The following NLGN1 variants were observed in gnomAD, a reference collection of about 807,000 sequenced individuals.
The protein encoded by NLGN1 is neuroligin 1, also known as neuroligin-1.
Under a neutral mutation model 65.5 loss-of-function variants are expected in NLGN1, and 12 were observed. The observed-to-expected ratio is 0.18, with a 90% CI of 0.12 to 0.30. The LOEUF (loss-of-function observed/expected upper bound fraction) is 0.30. Among genes scored for constraint, NLGN1 ranks in the 10% least tolerant of loss-of-function variants. NLGN1 has a pLI of 1.00. For missense variants in NLGN1, 750 were observed against 1,007.1 expected, an observed-to-expected ratio of 0.74 and a Z score of 3.46; for synonymous variants, 350 against 359.5, an observed-to-expected ratio of 0.97 and a Z score of 0.30.
chr3:173,832,914 T>C (rs34618365), intron 4 of NLGN1, among the ~76,000 whole-genome samples: 23,759 of 152,048 alleles, frequency 0.16, 2,149 homozygotes, highest in African/African-American at 0.25. Context: ...TCGGTAAAGG[T>C]ATATTGGCAA....
chr3:173,456,824 CG>C (rs1156931533), intron 2 of NLGN1, among the ~76,000 whole-genome samples: 1 of 151,976 alleles, frequency 6.6e-6, no homozygotes, highest in Non-Finnish European at 1.5e-5. Context: ...CTTTGGAGCT[CG>C]GCATATGATC....
chr3:174,208,304 C>T (rs1245518790), intron 4 of NLGN1, among the ~76,000 whole-genome samples: 1 of 152,170 alleles, frequency 6.6e-6, no homozygotes, highest in African/African-American at 2.4e-5. Flanking sequence ...TGTACCAAAT[C>T]TGCAAAGCAA....
chr3:173,554,402 A>G (rs1444778502), intron 2 of NLGN1, among the ~76,000 whole-genome samples: 2 of 152,194 alleles, frequency 1.3e-5, no homozygotes, highest in Non-Finnish European at 2.9e-5. Flanking sequence ...TACCCACTGT[A>G]GAGTATTTCC....
At chr3:173,573,129 C>G (rs1320424400) in intron 2 of NLGN1, among the ~76,000 whole-genome samples, 3 of 148,458 alleles carry the variant, frequency 2.0e-5, no homozygotes, top group Non-Finnish European at 4.6e-5. Flanking sequence ...AGTTACCACC[C>G]TTCACAATGA....
chr3:173,613,605 A>G (rs890312899), intron 3 of NLGN1, among the ~76,000 whole-genome samples: 3 of 152,110 alleles, frequency 2.0e-5, no homozygotes, highest in African/African-American at 7.2e-5. Context: ...AGATCCTACC[A>G]ATTTAAAACT....
intron 4 of NLGN1, among the ~76,000 whole-genome samples, chr3:173,926,074 A>T (rs986269884): frequency 6.6e-6 from 1 of 152,020 alleles, no homozygotes; most frequent in Non-Finnish European, 1.5e-5. Context: ...TTTTAAAAAA[A>T]TTCAGTGACT....
chr3:174,149,418 T>C (rs556346090), intron 4 of NLGN1, among the ~76,000 whole-genome samples: 24 of 152,258 alleles, frequency 1.6e-4, no homozygotes, highest in African/African-American at 5.8e-4. Flanking sequence ...AGCAGCCCAC[T>C]TTTTCCCAAA....
Position 174,279,356 on chromosome 3 carries a change from G to A in NLGN1, c.1355G>A (p.Arg452Lys). 1 of 1,613,442 alleles carries A rather than the reference G, an allele frequency of 6.2e-7. No homozygotes were observed. The highest frequency in any genetic ancestry group is 8.5e-7 in the Non-Finnish European group (1 of 1,179,594). Residue 452 changes from arginine (R) to lysine (K), a missense_variant, in exon 6 of 7, where the codon AGA (arginine) becomes AAA (lysine). Transcript: ENST00000457714. This position sits in a 1 kb window ranked among gnomAD's most constrained non-coding sequence, Gnocchi z 4.7. The stretch of plus-strand genomic sequence containing the variant: ...GCTGACCGTCATAACCCTGAAACCA[G>A]AAGAAAGACATTACTGGCTTTGTTT...
At chr3:173,857,885 T>C (rs1268662532) in intron 4 of NLGN1, among the ~76,000 whole-genome samples, 4 of 146,170 alleles carry the variant, frequency 2.7e-5, no homozygotes, top group African/African-American at 1.0e-4. Flanking sequence ...GGAAGAGAAC[T>C]ATTTCATTGG....
chr3:173,710,574 C>T (rs1768791244), intron 3 of NLGN1, among the ~76,000 whole-genome samples: 1 of 152,116 alleles, frequency 6.6e-6, no homozygotes, highest in Admixed American at 6.5e-5. Context: ...TAAGTCTATG[C>T]CTGCAACAAC....
At chr3:173,415,943 A>AGCGCGC (rs1553844364) in intron 1 of NLGN1, among the ~76,000 whole-genome samples, 10,884 of 141,208 alleles carry the variant, frequency 0.077, 526 homozygotes, top group South Asian at 0.099. Context: ...AGAGAGAGAG[A>AGCGCGC]GCTTGGTATA....
chr3:174,012,485 A>T (rs1451644662), intron 4 of NLGN1, among the ~76,000 whole-genome samples: 2 of 152,176 alleles, frequency 1.3e-5, no homozygotes, highest in Non-Finnish European at 2.9e-5. Flanking sequence ...AGTAGAATAT[A>T]ATAAAGCATC....
At chr3:173,973,003 A>T (rs1189627996) in intron 4 of NLGN1, among the ~76,000 whole-genome samples, 1 of 152,090 alleles carries the variant, frequency 6.6e-6, no homozygotes, top group Non-Finnish European at 1.5e-5. Context: ...CTGTGTTTAA[A>T]TCACAGCACT....
At chr3:173,398,191 C>G (rs1457269211), upstream of NLGN1, 1 of 152,212 alleles carries the variant, frequency 6.6e-6, no homozygotes, top group Non-Finnish European at 1.5e-5. Flanking sequence ...CTCGGCGGAG[C>G]GCAGAGGAGC....
chr3:173,939,594 A>G (rs1745648969), intron 4 of NLGN1, among the ~76,000 whole-genome samples: 1 of 152,232 alleles, frequency 6.6e-6, no homozygotes, highest in African/African-American at 2.4e-5. Flanking sequence ...TTGTCAAAAC[A>G]GACATAAGGG....
chr3:174,120,656 A>C (rs1717578810), intron 4 of NLGN1, among the ~76,000 whole-genome samples: 1 of 152,208 alleles, frequency 6.6e-6, no homozygotes, highest in African/African-American at 2.4e-5. Context: ...TATGGCATTA[A>C]GAAACAACTG....
At chr3:173,931,972 T>A (rs188008413) in intron 4 of NLGN1, among the ~76,000 whole-genome samples, 1 of 152,284 alleles carries the variant, frequency 6.6e-6, no homozygotes, top group Admixed American at 6.6e-5. Flanking sequence ...AGAATTAAGA[T>A]GACTTTAAGG....
At chr3:173,984,664 T>C (rs2152399530) in intron 4 of NLGN1, among the ~76,000 whole-genome samples, 1 of 152,298 alleles carries the variant, frequency 6.6e-6, no homozygotes, top group Non-Finnish European at 1.5e-5. Context: ...CTGTACAAAC[T>C]ATGAAGTAGT....
At chr3:173,755,588 GA>G (rs879873955) in intron 3 of NLGN1, among the ~76,000 whole-genome samples, 1 of 152,102 alleles carries the variant, frequency 6.6e-6, no homozygotes, top group Non-Finnish European at 1.5e-5. Flanking sequence ...TTTGGAGACA[GA>G]AGCAGGCACA....
Sources: allele counts gnomAD v4.1 joint callset (sites outside exome capture counted in the v4.1 genomes callset), GRCh38; gene constraint gnomAD v4.1.1; non-coding constraint Gnocchi (gnomAD v3.1); transcripts MANE v1.5; gene names NCBI Gene and HGNC (gene_info 2026-07-23, HGNC 2026-07-21).